SLAIN2: variants seen among roughly 807,000 people sequenced by gnomAD.
The protein encoded by SLAIN2 is SLAIN motif-containing protein 2.
In SLAIN2, 31 loss-of-function variants were observed where a neutral mutation model predicts 56.6. The observed-to-expected ratio is 0.55, with a 90% CI of 0.41 to 0.74. The LOEUF is 0.74. SLAIN2 is among the 30% of genes least tolerant of loss of function. The pLI, the probability that SLAIN2 is intolerant of heterozygous loss-of-function variation, is 0.00. For missense variants in SLAIN2, 777 were observed against 754.2 expected, an observed-to-expected ratio of 1.03 and a Z score of -0.35; for synonymous variants, 317 against 284.9, an observed-to-expected ratio of 1.11 and a Z score of -1.13.
chr4:48,405,512 T>C (rs947819345), intron 6 of SLAIN2, among the ~76,000 whole-genome samples: 4 of 152,208 alleles, frequency 2.6e-5, no homozygotes, highest in African/African-American at 9.7e-5. Flanking sequence ...CTGATTACTT[T>C]TTCATGGCTT....
rs565724017 is a variant in SLAIN2 at position 48,425,157 on chromosome 4, G to A, written c.*3080G>A. The A allele has an allele frequency of 1.3e-5, 2 of 152,094 alleles. No homozygotes were observed. The highest frequency in any genetic ancestry group is 3.9e-4 in the East Asian group (2 of 5,182). 9.4% of individuals were successfully genotyped at this position (152,094 alleles called of 1,614,324 possible). On this transcript the variant is annotated 3_prime_UTR_variant, in exon 8 of 8. Transcript: ENST00000264313. The stretch of plus-strand genomic sequence containing the variant: ...AAACCCAAATCATATTGCCCTTTCA[G>A]ATTTAGTCTTCATGGGGTTGGATTA...
chr4:48,382,970 G>T, intron 5 of SLAIN2, 43 bp downstream of exon 5: 1 of 1,516,188 alleles, frequency 6.6e-7, no homozygotes, highest in Non-Finnish European at 8.8e-7. Flanking sequence ...GTTTCTGCTA[G>T]CCTGTGTAAC....
At chr4:48,357,754 C>T (rs1560450902) in intron 1 of SLAIN2, among the ~76,000 whole-genome samples, 3 of 152,064 alleles carry the variant, frequency 2.0e-5, no homozygotes, top group Non-Finnish European at 2.9e-5. Context: ...AAGGTTTCTC[C>T]ATGTTGGTCA....
chr4:48,380,465 CATTAA>C (rs149557018), intron 4 of SLAIN2, among the ~76,000 whole-genome samples: 1 of 152,188 alleles, frequency 6.6e-6, no homozygotes, highest in Non-Finnish European at 1.5e-5. Flanking sequence ...GGAATTGTGA[CATTAA>C]ATTAAATGAA....
intron 1 of SLAIN2, 90 bp downstream of exon 1, chr4:48,342,218 C>CT: frequency 7.6e-7 from 1 of 1,309,642 alleles, no homozygotes; most frequent in Non-Finnish European, 9.7e-7. Flanking sequence ...GGGCGCCTCG[C>CT]TTTGTGTAGC....
intron 1 of SLAIN2, among the ~76,000 whole-genome samples, chr4:48,360,169 T>C (rs1481144668): frequency 1.4e-5 from 2 of 139,450 alleles, no homozygotes; most frequent in African/African-American, 5.2e-5. Context: ...AAAAAAAAAA[T>C]AGTGGTTAGT....
rs569485346 is a variant in SLAIN2 at position 48,350,946 on chromosome 4, G to A, written c.389+8818G>A. Among the ~76,000 whole-genome samples the A allele has an allele frequency of 6.6e-5, 10 of 152,328 alleles. No individual in the cohort carries two copies. In the East Asian group the frequency reaches 1.7e-3, roughly 26 times the overall value. ...GATATGAAATTCTTGAAAGTATTTG[G>A]AAAGATAAGACAAAGGAAGTTGTAT... On this transcript the variant is annotated intron_variant, in intron 1 of 7. Transcript: ENST00000264313.
chr4:48,381,251 A>G (rs1715963880), intron 4 of SLAIN2, among the ~76,000 whole-genome samples: 1 of 152,158 alleles, frequency 6.6e-6, no homozygotes, highest in Admixed American at 6.5e-5. Context: ...TTTTAGTCTT[A>G]CTTTAATAAT....
At chr4:48,384,071 G>A (rs1018183973) in intron 6 of SLAIN2, among the ~76,000 whole-genome samples, 2 of 151,710 alleles carry the variant, frequency 1.3e-5, no homozygotes, top group African/African-American at 4.8e-5. Context: ...AAAAGTAGGT[G>A]TAGCTTTTGC....
chr4:48,393,654 G>A (rs374346729), intron 6 of SLAIN2, among the ~76,000 whole-genome samples: 1 of 151,820 alleles, frequency 6.6e-6, no homozygotes, highest in African/African-American at 2.4e-5. Context: ...CTCTTTTTTT[G>A]CACATAAACA....
chr4:48,345,373 A>G (rs1028892952), intron 1 of SLAIN2, among the ~76,000 whole-genome samples: 3 of 152,054 alleles, frequency 2.0e-5, no homozygotes, highest in Non-Finnish European at 2.9e-5. Flanking sequence ...TCCTTCGACC[A>G]TGGTTATTTT....
intron 2 of SLAIN2, among the ~76,000 whole-genome samples, chr4:48,374,502 A>G (rs1169171590): frequency 3.9e-5 from 6 of 152,172 alleles, no homozygotes; most frequent in African/African-American, 1.4e-4. Context: ...GGCCTCCCAA[A>G]GTGCTAGGAT....
Position 48,422,050 on chromosome 4 carries a change from T to G in SLAIN2, c.1719T>G (p.Asp573Glu). The change falls in exon 8 of 8, where the codon GAT becomes GAG. Residue 573 changes from aspartate (D) to glutamate (E), a missense_variant. Coordinates refer to ENST00000264313, the MANE Select transcript of SLAIN2 (RefSeq NM_020846.2). ...PAPKTYGSMK[D>E]DSWKDGCY ...CTAAAACCTATGGTAGCATGAAAGA[T>G]GACAGTTGGAAAGATGGCTGTTACT... The G allele has an allele frequency of 6.2e-7, 1 of 1,611,048 alleles. No homozygotes were observed. The highest frequency in any genetic ancestry group is 8.5e-7 in the Non-Finnish European group (1 of 1,178,696).
chr4:48,361,315 G>A (rs2109744373), intron 1 of SLAIN2, among the ~76,000 whole-genome samples: 1 of 152,302 alleles, frequency 6.6e-6, no homozygotes, highest in South Asian at 2.1e-4. Context: ...TGACCTAGAA[G>A]CAAAAGTGTT....
chr4:48,352,919 T>A (rs1312797949), intron 1 of SLAIN2, among the ~76,000 whole-genome samples: 24 of 152,184 alleles, frequency 1.6e-4, no homozygotes, highest in Admixed American at 1.6e-3. Context: ...TCCCCTATAC[T>A]GTTCTCTAGA....
chr4:48,400,123 G>C (rs1273148873), intron 6 of SLAIN2, among the ~76,000 whole-genome samples: 2 of 152,212 alleles, frequency 1.3e-5, no homozygotes, highest in South Asian at 4.1e-4. Flanking sequence ...CTGTGAATCT[G>C]TCTGGTATTG....
At position 48,376,824 on chromosome 4, in the gene SLAIN2, C is replaced by T. The variant is rs541261820; in HGVS notation, c.539-1072C>T. On this transcript the variant is annotated intron_variant, in intron 2 of 7. Transcript: ENST00000264313. ...TTTTTTAGTAGAGACGGGGTTTCAC[C>T]GTGGTCTCGAGCTCCTGACCTCGTG... 1.7e-3 allele frequency among the ~76,000 whole-genome samples: 254 copies of T among 150,686 alleles called. 1 individual carries two copies. The highest frequency in any genetic ancestry group is 5.9e-3 in the African/African-American group (241 of 41,146).
intron 1 of SLAIN2, among the ~76,000 whole-genome samples, chr4:48,367,028 C>T (rs1332882067): frequency 6.6e-6 from 1 of 151,996 alleles, no homozygotes; most frequent in Non-Finnish European, 1.5e-5. Context: ...AAGAAATGAG[C>T]AAAGAATATG....
chr4:48,383,900 A>C, intron 6 of SLAIN2, 116 bp downstream of exon 6: 1 of 1,124,390 alleles, frequency 8.9e-7, no homozygotes, highest in South Asian at 1.8e-5. Context: ...TTTAAACCAT[A>C]GCTATAGTAA....
Sources: allele counts gnomAD v4.1 joint callset (sites outside exome capture counted in the v4.1 genomes callset), GRCh38; gene constraint gnomAD v4.1.1; transcripts MANE v1.5; gene names NCBI Gene and HGNC (gene_info 2026-07-23, HGNC 2026-07-21).